The following STK39 variants were observed in gnomAD, a reference collection of about 807,000 sequenced individuals.
The protein encoded by STK39 is serine/threonine kinase 39.
In STK39, 20 loss-of-function variants were observed where a neutral mutation model predicts 77.8. The ratio of observed to expected loss-of-function variants is 0.26; its 90% confidence interval spans 0.18 to 0.37. The LOEUF (loss-of-function observed/expected upper bound fraction) is 0.37. STK39 is among the 10% of genes least tolerant of loss of function. The pLI is 1.00. For missense variants in STK39, 479 were observed against 656.5 expected, an observed-to-expected ratio of 0.73 and a Z score of 2.95; for synonymous variants, 246 against 234.1, an observed-to-expected ratio of 1.05 and a Z score of -0.47.
At chr2:168,003,972 T>C (rs1305529429) in intron 16 of STK39, among the ~76,000 whole-genome samples, 2 of 152,266 alleles carry the variant, frequency 1.3e-5, no homozygotes, top group African/African-American at 2.4e-5. Context: ...AGTGTACTGC[T>C]GCTCAGTAAA....
intron 3 of STK39, among the ~76,000 whole-genome samples, chr2:168,167,036 G>A (rs192315287): frequency 8.5e-5 from 13 of 152,216 alleles, no homozygotes; most frequent in Non-Finnish European, 1.3e-4. Flanking sequence ...AATACATTCC[G>A]GGGGCTGCCT....
At chr2:168,052,141 AG>A (rs1348678856) in intron 14 of STK39, among the ~76,000 whole-genome samples, 1 of 152,204 alleles carries the variant, frequency 6.6e-6, no homozygotes, top group Non-Finnish European at 1.5e-5. Context: ...GCCAAGCCAC[AG>A]TAACACAGCT....
chr2:167,988,038 T>TG (rs1488892187), intron 16 of STK39, among the ~76,000 whole-genome samples: 1 of 152,158 alleles, frequency 6.6e-6, no homozygotes, highest in Non-Finnish European at 1.5e-5. Context: ...TCACACAGCT[T>TG]GGGAGGGACA....
chr2:168,190,558 G>A (rs1461591106), intron 1 of STK39, among the ~76,000 whole-genome samples: 1 of 152,138 alleles, frequency 6.6e-6, no homozygotes, highest in Non-Finnish European at 1.5e-5. Context: ...TCAGCATGTA[G>A]GGCCACACGA....
chr2:168,043,056 A>T (rs1267593526), intron 14 of STK39, among the ~76,000 whole-genome samples: 1 of 152,146 alleles, frequency 6.6e-6, no homozygotes, highest in Non-Finnish European at 1.5e-5. Flanking sequence ...CACAGTTAAG[A>T]ACTATTATCT....
At chr2:168,022,005 T>C (rs1409060363) in intron 14 of STK39, among the ~76,000 whole-genome samples, 1 of 152,176 alleles carries the variant, frequency 6.6e-6, no homozygotes, top group East Asian at 1.9e-4. Context: ...ATACAGATGA[T>C]AGCATAGTAT....
chr2:167,989,235 T>C (rs1026719107), intron 16 of STK39, among the ~76,000 whole-genome samples: 5 of 152,114 alleles, frequency 3.3e-5, no homozygotes, highest in Non-Finnish European at 5.9e-5. Flanking sequence ...TGAAGAATAA[T>C]AAACTTCATT....
chr2:168,013,508 C>T (rs1242951053), intron 15 of STK39, among the ~76,000 whole-genome samples: 1 of 152,184 alleles, frequency 6.6e-6, no homozygotes, highest in Non-Finnish European at 1.5e-5. Flanking sequence ...AGGGAGCTGA[C>T]TCGGTTCAAG....
At chr2:167,974,124 G>T (rs997090876) in intron 16 of STK39, among the ~76,000 whole-genome samples, 2 of 152,076 alleles carry the variant, frequency 1.3e-5, no homozygotes, top group Non-Finnish European at 2.9e-5. Context: ...GATAATAAAA[G>T]ATTTTTGTTT....
At chr2:168,228,445 T>G (rs939762965) in intron 1 of STK39, among the ~76,000 whole-genome samples, 2 of 152,172 alleles carry the variant, frequency 1.3e-5, no homozygotes, top group Non-Finnish European at 2.9e-5. Flanking sequence ...TCATCAGTGT[T>G]GTATAAATTT....
At position 168,219,880 on chromosome 2, in the gene STK39, T is replaced by TTC. The variant is rs1553543835; in HGVS notation, c.208+27347_208+27348insGA. 4.5e-4 allele frequency among the ~76,000 whole-genome samples: 67 copies of TTC among 149,904 alleles called. 1 individual carries two copies. Among genetic ancestry groups the TTC allele is most frequent in the Admixed American group, 8.0e-4 (12 of 15,094 alleles). ...ACCTACTTTTCTTGCTTTTTTTTTT[T>TTC]TTTTTGCAAATTTTGATTTACAAGT... On this transcript the variant is annotated intron_variant, in intron 1 of 17. Transcript: ENST00000355999.
intron 16 of STK39, among the ~76,000 whole-genome samples, chr2:168,006,674 T>C (rs949085532): frequency 2.0e-5 from 3 of 152,190 alleles, no homozygotes; most frequent in African/African-American, 4.8e-5. Flanking sequence ...TCTTGCAAAC[T>C]TTTTTAAACC....
At chr2:167,969,581 T>C (rs1479621694) in intron 16 of STK39, among the ~76,000 whole-genome samples, 2 of 152,220 alleles carry the variant, frequency 1.3e-5, no homozygotes, top group South Asian at 2.1e-4. Flanking sequence ...CCCCACTAGA[T>C]TCAAACTCTG....
intron 1 of STK39, among the ~76,000 whole-genome samples, chr2:168,186,893 A>T (rs565910065): frequency 2.0e-5 from 3 of 152,282 alleles, no homozygotes; most frequent in African/African-American, 7.2e-5. Flanking sequence ...AGGCTAGGAG[A>T]GCTAAATTTG....
intron 5 of STK39, among the ~76,000 whole-genome samples, chr2:168,158,981 A>C (rs1211693157): frequency 1.3e-5 from 2 of 152,212 alleles, no homozygotes; most frequent in African/African-American, 4.8e-5. Context: ...TCATGGTCTA[A>C]ATCAGGCCCT....
chr2:168,232,520 C>T (rs1412417177), intron 1 of STK39, among the ~76,000 whole-genome samples: 2 of 152,176 alleles, frequency 1.3e-5, no homozygotes, highest in African/African-American at 2.4e-5. Context: ...CTGTCCTAGT[C>T]ACTGGAACTT....
chr2:168,130,490 C>A (rs1004077957), intron 8 of STK39, among the ~76,000 whole-genome samples: 6 of 152,162 alleles, frequency 3.9e-5, no homozygotes. Context: ...ACCTCAGAGG[C>A]AGGTCCTGTT....
intron 1 of STK39, among the ~76,000 whole-genome samples, chr2:168,201,933 C>T (rs749130643): frequency 5.9e-5 from 9 of 152,200 alleles, no homozygotes; most frequent in Non-Finnish European, 1.2e-4. Flanking sequence ...AAAGCAAGAA[C>T]AAAGAACAGC....
At chr2:168,235,701 G>A (rs913612040) in intron 1 of STK39, among the ~76,000 whole-genome samples, 10 of 147,756 alleles carry the variant, frequency 6.8e-5, no homozygotes, top group South Asian at 2.1e-4. Context: ...GAGAACATGC[G>A]GTGTTTGATT....
Sources: gnomAD v4.1 joint callset for allele counts (sites outside exome capture counted in the v4.1 genomes callset) on GRCh38, gnomAD v4.1.1 for gene constraint, MANE v1.5 for transcripts, NCBI Gene and HGNC (gene_info 2026-07-23, HGNC 2026-07-21) for gene names.